GSTCD: variants seen among roughly 807,000 people sequenced by gnomAD.
GSTCD encodes the protein glutathione S-transferase C-terminal domain-containing protein.
GSTCD carries 44 observed loss-of-function variants against 68.3 expected under a neutral mutation model. The ratio of observed to expected loss-of-function variants is 0.64; its 90% CI spans 0.51 to 0.83. The LOEUF (loss-of-function observed/expected upper bound fraction) is 0.83, where lower values mean the gene tolerates loss of function less well. GSTCD is among the 40% of genes least tolerant of loss of function. The pLI is 0.00. For synonymous variants in GSTCD, 273 were observed against 255.2 expected (o/e 1.07, Z -0.67); for missense variants, 739 against 735.9 (o/e 1.00, Z -0.05).
At chr4:105,742,131 TATA>T (rs978338772) in intron 5 of GSTCD, among the ~76,000 whole-genome samples, 47 of 152,256 alleles carry the variant, frequency 3.1e-4, no homozygotes, top group Admixed American at 3.1e-3. Context: ...TGGTGCATAT[TATA>T]ATAACCATTC....
At chr4:105,722,800 C>CTGTGA (rs1388550252) in intron 3 of GSTCD, among the ~76,000 whole-genome samples, 1 of 150,336 alleles carries the variant, frequency 6.7e-6, no homozygotes, top group Non-Finnish European at 1.5e-5. Context: ...TTAAAGAACT[C>CTGTGA]TGTGATATTT....
At chr4:105,834,636 TA>T in intron 9 of GSTCD, 42 bp downstream of exon 9, 1 of 1,583,158 alleles carries the variant, frequency 6.3e-7, no homozygotes, top group Non-Finnish European at 8.6e-7. Flanking sequence ...AACATGGGTA[TA>T]AGCCAGGACA....
At chr4:105,829,513 G>A (rs1376427576) in intron 8 of GSTCD, among the ~76,000 whole-genome samples, 1 of 152,188 alleles carries the variant, frequency 6.6e-6, no homozygotes, top group Non-Finnish European at 1.5e-5. Flanking sequence ...GAAGGCGAAT[G>A]AGGAGCAAAG....
chr4:105,728,127 T>C (rs1057323559), intron 4 of GSTCD, among the ~76,000 whole-genome samples: 11 of 152,184 alleles, frequency 7.2e-5, no homozygotes, highest in Admixed American at 1.3e-4. Flanking sequence ...TTGATTATAT[T>C]ACTACACTGC....
At chr4:105,810,712 T>C (rs1212863374) in intron 5 of GSTCD, among the ~76,000 whole-genome samples, 1 of 152,180 alleles carries the variant, frequency 6.6e-6, no homozygotes, top group Non-Finnish European at 1.5e-5. Context: ...TAATAACTAA[T>C]ATATTTGAAC....
chr4:105,740,161 G>A (rs1034524785), intron 5 of GSTCD, among the ~76,000 whole-genome samples: 7 of 152,030 alleles, frequency 4.6e-5, no homozygotes, highest in African/African-American at 1.2e-4. Flanking sequence ...GTAGGCCCCA[G>A]GGTGCAAGAC....
chr4:105,716,549 C>T (rs1014475444), intron 1 of GSTCD, among the ~76,000 whole-genome samples: 1 of 152,160 alleles, frequency 6.6e-6, no homozygotes, highest in East Asian at 1.9e-4. Context: ...AGATCAGCAG[C>T]GGCATCAGAT....
chr4:105,710,385 T>C (rs1287667414), intron 1 of GSTCD, among the ~76,000 whole-genome samples: 2 of 145,606 alleles, frequency 1.4e-5, no homozygotes, highest in Non-Finnish European at 3.0e-5. Context: ...CACACTCGGC[T>C]CCTTTTTTTT....
intron 1 of GSTCD, among the ~76,000 whole-genome samples, chr4:105,715,672 A>AT (rs776104350): frequency 1.3e-5 from 2 of 151,808 alleles, no homozygotes; most frequent in Admixed American, 6.6e-5. Flanking sequence ...CTTGTTTCAG[A>AT]TTTTTTTAAA....
chr4:105,725,862 A>G (rs1733012572), intron 3 of GSTCD, among the ~76,000 whole-genome samples: 1 of 152,160 alleles, frequency 6.6e-6, no homozygotes, highest in Non-Finnish European at 1.5e-5. Flanking sequence ...AAGAATGACT[A>G]AAATCAAACA....
intron 5 of GSTCD, among the ~76,000 whole-genome samples, chr4:105,768,887 T>G (rs1734722339): frequency 6.6e-6 from 1 of 151,634 alleles, no homozygotes; most frequent in Non-Finnish European, 1.5e-5. Context: ...AGTATGATTT[T>G]TATAGGATAG....
chr4:105,736,546 A>G (rs1263275381), intron 5 of GSTCD, among the ~76,000 whole-genome samples: 1 of 152,064 alleles, frequency 6.6e-6, no homozygotes, highest in Non-Finnish European at 1.5e-5. Flanking sequence ...ATGCATAATG[A>G]TCAAGTTAGT....
At chr4:105,837,816 T>C in intron 9 of GSTCD, 43 bp from the exon 10 acceptor site, 1 of 816,620 alleles carries the variant, frequency 1.2e-6, no homozygotes, top group Non-Finnish European at 1.9e-6. Context: ...ATCTTACTCT[T>C]AATATTTAGA....
chr4:105,716,566 A>G (rs762290945), intron 1 of GSTCD, among the ~76,000 whole-genome samples: 7 of 152,152 alleles, frequency 4.6e-5, no homozygotes, highest in Non-Finnish European at 1.0e-4. Flanking sequence ...AGATTCTCAT[A>G]GGAGCTCCAA....
chr4:105,800,830 C>G (rs995440920), intron 5 of GSTCD, among the ~76,000 whole-genome samples: 1 of 152,070 alleles, frequency 6.6e-6, no homozygotes, highest in Admixed American at 6.6e-5. Flanking sequence ...AGCCTCTGGT[C>G]CCATTTTTAT....
intron 5 of GSTCD, among the ~76,000 whole-genome samples, chr4:105,805,233 C>A (rs1336267258): frequency 6.6e-6 from 1 of 152,022 alleles, no homozygotes; most frequent in Non-Finnish European, 1.5e-5. Context: ...AGAAAAATTA[C>A]ATGAAGATTT....
rs776670505 is a variant in GSTCD, at chr4:105,726,634, C to A, written c.950C>A (p.Ser317Tyr). ...EKLVEFPLLA[S>Y]WYQRIQEVPG... Reference sequence around the variant, plus strand: ...CTGGTAGAATTTCCATTGCTAGCCTCTTGGTACCAGAGGATTCAGGAAGTG... The same window carrying A: ...CTGGTAGAATTTCCATTGCTAGCCTATTGGTACCAGAGGATTCAGGAAGTG... The change falls in exon 4 of 12, where the codon TCT becomes TAT. Residue 317 changes from serine (S) to tyrosine (Y), a missense_variant. Coordinates refer to ENST00000515279, the MANE Select transcript of GSTCD (RefSeq NM_001370181.1). 6.2e-7 allele frequency: 1 copy of A among 1,612,922 alleles called. No individual in the cohort carries two copies. The highest frequency in any genetic ancestry group is 8.5e-7 in the Non-Finnish European group (1 of 1,179,262).
At chr4:105,726,517 C>G (rs1317752377) in intron 3 of GSTCD, 62 bp from the exon 4 acceptor site, 4 of 1,089,928 alleles carry the variant, frequency 3.7e-6, no homozygotes, top group Non-Finnish European at 5.2e-6. Context: ...GTAAAGTTAC[C>G]TCAACACAGC....
At chr4:105,747,848 C>T (rs1295076410) in intron 5 of GSTCD, among the ~76,000 whole-genome samples, 2 of 150,726 alleles carry the variant, frequency 1.3e-5, no homozygotes, top group African/African-American at 2.4e-5. Flanking sequence ...CGTTTGTTTT[C>T]TTAACTTTTA....
Sources: allele counts gnomAD v4.1 joint callset (sites outside exome capture counted in the v4.1 genomes callset), GRCh38; gene constraint gnomAD v4.1.1; transcripts MANE v1.5; gene names NCBI Gene and HGNC (gene_info 2026-07-23, HGNC 2026-07-21).